IQSEC1: variants seen among roughly 807,000 people sequenced by gnomAD.
The protein encoded by IQSEC1 is IQ motif and SEC7 domain-containing protein 1.
In IQSEC1, 31 loss-of-function variants were observed where a neutral mutation model predicts 91.0. The ratio of observed to expected loss-of-function variants is 0.34; its 90% CI spans 0.26 to 0.46. The LOEUF (loss-of-function observed/expected upper bound fraction) is 0.46, where lower values mean the gene tolerates loss of function less well. Ranked by LOEUF, IQSEC1 falls within the 20% of genes least tolerant of loss-of-function variation. IQSEC1 has a pLI of 1.00. For missense variants in IQSEC1, 1,388 were observed against 1,575.6 expected (o/e 0.88, Z 2.02); for synonymous variants, 699 against 662.6 (o/e 1.05, Z -0.84).
At chr3:13,258,230 T>C (rs1576313231) in intron 1 of IQSEC1, among the ~76,000 whole-genome samples, 1 of 152,172 alleles carries the variant, frequency 6.6e-6, no homozygotes, top group East Asian at 1.9e-4. Flanking sequence ...GCGGCAGATG[T>C]GCCACACTAA....
chr3:13,179,724 C>T (rs768589347), intron 1 of IQSEC1, among the ~76,000 whole-genome samples: 1 of 152,248 alleles, frequency 6.6e-6, no homozygotes, highest in African/African-American at 2.4e-5. Flanking sequence ...AGGCCGGAGC[C>T]GGCTCCCTCA....
intron 1 of IQSEC1, among the ~76,000 whole-genome samples, chr3:13,031,631 A>G (rs1241839794): frequency 6.6e-6 from 1 of 152,062 alleles, no homozygotes; most frequent in Non-Finnish European, 1.5e-5. Context: ...CAGGGGGCAG[A>G]GGGGCAGGAG....
chr3:13,214,914 G>A lies in IQSEC1; in HGVS notation c.273-50781C>T, dbSNP rs1050861379. Among the ~76,000 whole-genome samples, 20 of 152,350 alleles carry A rather than the reference G, an allele frequency of 1.3e-4. No homozygotes were observed. Among genetic ancestry groups the A allele is most frequent in the Non-Finnish European group, 2.2e-4 (15 of 68,034 alleles). On this transcript the variant is annotated intron_variant, in intron 1 of 15. Transcript: ENST00000648114. This position sits in a 1 kb window ranked among gnomAD's most constrained non-coding sequence, Gnocchi z 4.5. ...GCACTAGCCGAATGAACAGGCACCC[G>A]AGTGAACGGATGAGTGGAATTTACT...
chr3:13,248,695 T>A (rs1378800867), intron 1 of IQSEC1, among the ~76,000 whole-genome samples: 1 of 152,234 alleles, frequency 6.6e-6, no homozygotes, highest in African/African-American at 2.4e-5. Flanking sequence ...AATCTTGGGA[T>A]AGCACCTGGT....
At chr3:13,255,530 A>T (rs1444977747) in intron 1 of IQSEC1, among the ~76,000 whole-genome samples, 1 of 152,220 alleles carries the variant, frequency 6.6e-6, no homozygotes, top group Non-Finnish European at 1.5e-5. Flanking sequence ...AAAGTCTTGT[A>T]TAATACAAAG....
chr3:12,913,355 C>A, intron 9 of IQSEC1, 73 bp downstream of exon 9: 3 of 1,455,996 alleles, frequency 2.1e-6, no homozygotes, highest in Non-Finnish European at 1.9e-6. Context: ...CTTCCCCACG[C>A]AGACAGCCAG....
chr3:13,053,164 A>T (rs1258078562), intron 1 of IQSEC1: 2 of 752,996 alleles, frequency 2.7e-6, no homozygotes, highest in Non-Finnish European at 4.9e-6. Flanking sequence ...TGATGGAGAA[A>T]GGAAGAGAGG....
intron 1 of IQSEC1, among the ~76,000 whole-genome samples, chr3:13,007,858 G>A (rs1196629794): frequency 9.7e-5 from 14 of 144,916 alleles, no homozygotes; most frequent in African/African-American, 3.0e-4. Flanking sequence ...CCCGTACCCC[G>A]CCCCAGAGTC....
intron 1 of IQSEC1, among the ~76,000 whole-genome samples, chr3:12,981,339 T>C (rs1576104757): frequency 6.6e-6 from 1 of 152,246 alleles, no homozygotes; most frequent in Admixed American, 6.5e-5. Flanking sequence ...ACTGTGTGTA[T>C]GGCATTGCCA....
intron 2 of IQSEC1, among the ~76,000 whole-genome samples, chr3:13,144,904 C>T (rs1427933412): frequency 6.6e-6 from 1 of 152,250 alleles, no homozygotes; most frequent in Non-Finnish European, 1.5e-5. Context: ...TGGCGAGAGA[C>T]TCTGGCCATG....
At chr3:12,952,839 G>A (rs1304853525) in intron 1 of IQSEC1, among the ~76,000 whole-genome samples, 2 of 152,256 alleles carry the variant, frequency 1.3e-5, no homozygotes, top group Non-Finnish European at 2.9e-5. Context: ...TGAGAAGGAA[G>A]AGGAGAAGAT....
At position 13,193,327 on chromosome 3, in the gene IQSEC1, T is replaced by C. The variant is rs1384808471; in HGVS notation, c.273-29194A>G. Among the ~76,000 whole-genome samples, 1 of 152,184 alleles carries C rather than the reference T, an allele frequency of 6.6e-6. No individual in the cohort carries two copies. The highest frequency in any genetic ancestry group is 1.5e-5 in the Non-Finnish European group (1 of 68,038). ...CATTTCCGGCCTGTGGCAATGTCTT[T>C]TACATTCTGAATACATATTTGGGGG... is the stretch of plus-strand genomic sequence containing the variant. On this transcript the variant is annotated intron_variant, in intron 1 of 15. Transcript: ENST00000648114. This position sits in a 1 kb window ranked among gnomAD's most constrained non-coding sequence, Gnocchi z 4.2.
intron 1 of IQSEC1, among the ~76,000 whole-genome samples, chr3:13,238,395 C>T (rs1397290456): frequency 6.6e-6 from 1 of 152,204 alleles, no homozygotes; most frequent in South Asian, 2.1e-4. Context: ...ATTCCCTCTG[C>T]CAGGAATGCT....
intron 6 of IQSEC1, among the ~76,000 whole-genome samples, chr3:12,918,436 C>T (rs1475344548): frequency 1.3e-5 from 2 of 152,302 alleles, no homozygotes; most frequent in East Asian, 3.9e-4. Context: ...CAAGCCTTCT[C>T]TACTCTAGGC....
intron 8 of IQSEC1, among the ~76,000 whole-genome samples, chr3:12,914,189 C>T (rs1299103620): frequency 6.6e-6 from 1 of 152,240 alleles, no homozygotes; most frequent in Non-Finnish European, 1.5e-5. Flanking sequence ...GTCCTCTGCT[C>T]CCCACAGCTA....
chr3:13,222,068 G>A (rs867698806), intron 1 of IQSEC1, among the ~76,000 whole-genome samples: 3 of 152,174 alleles, frequency 2.0e-5, no homozygotes, highest in Admixed American at 6.5e-5. Context: ...CATTTTAAGC[G>A]CACACTTCAG....
At chr3:13,175,972 G>A (rs1323000859) in intron 1 of IQSEC1, among the ~76,000 whole-genome samples, 2 of 152,224 alleles carry the variant, frequency 1.3e-5, no homozygotes, top group African/African-American at 4.8e-5. Flanking sequence ...GGGCACACAA[G>A]CACCCAGACA....
At chr3:12,906,427 T>A (rs929481856) in intron 12 of IQSEC1, among the ~76,000 whole-genome samples, 4 of 152,216 alleles carry the variant, frequency 2.6e-5, no homozygotes, top group Non-Finnish European at 5.9e-5. Flanking sequence ...CCTGTCCCGA[T>A]GGGAGATCAC....
intron 1 of IQSEC1, among the ~76,000 whole-genome samples, chr3:13,067,638 C>T (rs1192173171): frequency 6.6e-6 from 1 of 152,248 alleles, no homozygotes; most frequent in Non-Finnish European, 1.5e-5. Flanking sequence ...TCCTTCCCTT[C>T]CTCATCCCAT....
Sources: allele counts gnomAD v4.1 joint callset (sites outside exome capture counted in the v4.1 genomes callset), GRCh38; gene constraint gnomAD v4.1.1; non-coding constraint Gnocchi (gnomAD v3.1); transcripts MANE v1.5; gene names NCBI Gene and HGNC (gene_info 2026-07-23, HGNC 2026-07-21).